Variants in KIRREL3 observed in about 807,000 individuals in gnomAD.
KIRREL3 encodes kin of IRRE-like protein 3.
KIRREL3 carries 36 observed loss-of-function variants against 89.7 expected under a neutral mutation model. That is an observed-to-expected ratio of 0.40 (90% confidence interval 0.31 to 0.53). The LOEUF (loss-of-function observed/expected upper bound fraction) is 0.53, where lower values mean the gene tolerates loss of function less well. KIRREL3 is among the 20% of genes least tolerant of loss of function. KIRREL3 has a pLI of 0.49. For missense variants in KIRREL3, 864 were observed against 1,056.6 expected (o/e 0.82, Z 2.53); for synonymous variants, 445 against 441.4 (o/e 1.01, Z -0.10).
At chr11:126,442,049 G>A (rs2134181611) in intron 10 of KIRREL3, among the ~76,000 whole-genome samples, 1 of 151,894 alleles carries the variant, frequency 6.6e-6, no homozygotes, top group Non-Finnish European at 1.5e-5. Flanking sequence ...GAGGAGGGTG[G>A]ATCACAAGGT....
At position 126,490,148 on chromosome 11, in the gene KIRREL3, C is replaced by T. The variant is rs1368972936; in HGVS notation, c.434-16682G>A. Among the ~76,000 whole-genome samples, 2 of 145,402 alleles carry T rather than the reference C, an allele frequency of 1.4e-5. No individual in the cohort carries two copies. Among genetic ancestry groups the T allele is most frequent in the Admixed American group, 1.4e-4 (2 of 13,972 alleles). On this transcript the variant is annotated intron_variant, in intron 4 of 16. Coordinates refer to ENST00000525144, the MANE Select transcript of KIRREL3 (RefSeq NM_032531.4). The surrounding 1 kb of genome is among the most constrained non-coding windows in gnomAD (Gnocchi z 4.2). ...GTTTGTGGCCAGAGGCATACATAATCCAAATCTGGTGTATAATTGAGAATA... is the reference window on the plus strand; with the variant it reads ...GTTTGTGGCCAGAGGCATACATAATTCAAATCTGGTGTATAATTGAGAATA...
At chr11:126,572,552 G>A (rs923020995) in intron 1 of KIRREL3, among the ~76,000 whole-genome samples, 26 of 128,192 alleles carry the variant, frequency 2.0e-4, no homozygotes, top group African/African-American at 7.8e-4. Flanking sequence ...GACCAGCAGA[G>A]ACCCCAGTGG....
intron 1 of KIRREL3, among the ~76,000 whole-genome samples, chr11:126,956,512 A>G (rs1948926633): frequency 6.6e-6 from 1 of 152,226 alleles, no homozygotes; most frequent in Admixed American, 6.5e-5. Flanking sequence ...GGGCTAAAGA[A>G]AATGACTGGA....
intron 2 of KIRREL3, among the ~76,000 whole-genome samples, chr11:126,533,637 C>G (rs889977917): frequency 6.6e-6 from 1 of 152,182 alleles, no homozygotes; most frequent in Non-Finnish European, 1.5e-5. Flanking sequence ...CAAAGAACCC[C>G]TCTCTCCCTT....
chr11:126,655,580 G>T lies in KIRREL3; in HGVS notation c.56-92668C>A, dbSNP rs4937172. 0.25 allele frequency among the ~76,000 whole-genome samples: 38,351 copies of T among 152,078 alleles called. 5,035 individuals are homozygous for T. Among genetic ancestry groups the T allele is most frequent in the East Asian group, 0.39 (1,998 of 5,154 alleles). On this transcript the variant is annotated intron_variant, in intron 1 of 16. Transcript: ENST00000525144. The surrounding 1 kb of genome is among the most constrained non-coding windows in gnomAD (Gnocchi z 5.0). ...GGCAGCTACTGTGTGTCCCCCTGGG[G>T]ACTGGAACCACTTTGCAAAGAGCGC...
intron 1 of KIRREL3, among the ~76,000 whole-genome samples, chr11:126,825,447 G>A (rs1410364025): frequency 1.3e-5 from 2 of 152,142 alleles, no homozygotes; most frequent in African/African-American, 4.8e-5. Context: ...TTAATACAGT[G>A]AATAATGAGA....
At position 126,527,624 on chromosome 11, in the gene KIRREL3, G is replaced by A. The variant is rs537264931; in HGVS notation, c.134-937C>T. On this transcript the variant is annotated intron_variant, in intron 2 of 16. Coordinates refer to ENST00000525144, the MANE Select transcript of KIRREL3 (RefSeq NM_032531.4). This position sits in a 1 kb window ranked among gnomAD's most constrained non-coding sequence, Gnocchi z 4.2. Reference sequence around the variant, plus strand: ...TGCTTGTGAATTGCTCACCAAGTACGGCGCATGCCCTGACTCTAGTTATCA... The same window carrying A: ...TGCTTGTGAATTGCTCACCAAGTACAGCGCATGCCCTGACTCTAGTTATCA... 2.1e-3 allele frequency among the ~76,000 whole-genome samples: 313 copies of A among 152,262 alleles called. 2 individuals are homozygous for A. Among genetic ancestry groups the A allele is most frequent in the African/African-American group, 7.2e-3 (300 of 41,548 alleles).
At position 126,708,703 on chromosome 11, in the gene KIRREL3, T is replaced by C. The variant is rs1226802731; in HGVS notation, c.56-145791A>G. On this transcript the variant is annotated intron_variant, in intron 1 of 16. Transcript: ENST00000525144. The surrounding 1 kb of genome is among the most constrained non-coding windows in gnomAD (Gnocchi z 5.7). The stretch of plus-strand genomic sequence containing the variant: ...TGATGGACCGGGACCTCCTCTCCCA[T>C]TTCTCCGGGGCCTCCAGGGCCCTCC... Among the ~76,000 whole-genome samples, 1 of 152,144 alleles carries C rather than the reference T, an allele frequency of 6.6e-6. No homozygotes were observed. Among genetic ancestry groups the C allele is most frequent in the Non-Finnish European group, 1.5e-5 (1 of 68,026 alleles).
chr11:126,944,511 G>T (rs1429222582), intron 1 of KIRREL3: 1 of 152,296 alleles, frequency 6.6e-6, no homozygotes, highest in Non-Finnish European at 1.5e-5. Flanking sequence ...ATCGGGCTTG[G>T]TTGCCACTGA....
In KIRREL3 at chr11:126,622,119, TG is replaced by T. The variant is rs1334541424; in HGVS notation, c.56-59208del. Among the ~76,000 whole-genome samples, 13 of 152,230 alleles carry T rather than the reference TG, an allele frequency of 8.5e-5. No individual in the cohort carries two copies. The highest frequency in any genetic ancestry group is 7.9e-4 in the Admixed American group (12 of 15,286). On this transcript the variant is annotated intron_variant, in intron 1 of 16. Transcript: ENST00000525144. This position sits in a 1 kb window ranked among gnomAD's most constrained non-coding sequence, Gnocchi z 5.2. ...AGGTATCTCATTTGTGTCATTATTT[TG>T]CTATCCTTGCCTCTCTTGGGATTTG...
chr11:126,854,128 G>T (rs189146480), intron 1 of KIRREL3, among the ~76,000 whole-genome samples: 6 of 127,292 alleles, frequency 4.7e-5, no homozygotes, highest in Admixed American at 2.3e-4. Context: ...TAAGTTTCTT[G>T]TGTGTGTGTG....
rs114262243 is a variant in KIRREL3 at position 126,522,780 on chromosome 11, G to T, written c.284-1316C>A. Reference sequence around the variant, plus strand: ...GATTTACAACTGGACTCCAATCCCCGCTGTCTTTCATCTCTGTCCCGGTTC... The same window carrying T: ...GATTTACAACTGGACTCCAATCCCCTCTGTCTTTCATCTCTGTCCCGGTTC... On this transcript the variant is annotated intron_variant, in intron 3 of 16. Transcript: ENST00000525144. This position sits in a 1 kb window ranked among gnomAD's most constrained non-coding sequence, Gnocchi z 6.0. Among the ~76,000 whole-genome samples, 3 of 152,048 alleles carry T rather than the reference G, an allele frequency of 2.0e-5. No homozygotes were observed. Among genetic ancestry groups the T allele is most frequent in the South Asian group, 4.2e-4 (2 of 4,792 alleles).
rs1313039312 is a variant in KIRREL3, at chr11:126,544,176, A to T, written c.134-17489T>A. ...TTTCAACCCCCCTCTCCTAAACGCA[A>T]CGATATTTGGTAACATGCGGCATCT... is the stretch of plus-strand genomic sequence containing the variant. On this transcript the variant is annotated intron_variant, in intron 2 of 16. Transcript: ENST00000525144. The surrounding 1 kb of genome is among the most constrained non-coding windows in gnomAD (Gnocchi z 5.6). 1.3e-5 allele frequency: 2 copies of T among 152,214 alleles called. No homozygotes were observed. Among genetic ancestry groups the T allele is most frequent in the African/African-American group, 2.4e-5 (1 of 41,448 alleles). The allele number at this position is 152,214 out of a possible 1,614,324, so 9.4% of individuals were successfully genotyped here.
chr11:126,824,618 A>C (rs1460500903), intron 1 of KIRREL3, among the ~76,000 whole-genome samples: 2 of 152,242 alleles, frequency 1.3e-5, no homozygotes, highest in Non-Finnish European at 2.9e-5. Context: ...GAAATTTTTA[A>C]AAGGTGTGGG....
At position 126,541,760 on chromosome 11, in the gene KIRREL3, C is replaced by T. The variant is rs1036715085; in HGVS notation, c.134-15073G>A. 6.6e-6 allele frequency among the ~76,000 whole-genome samples: 1 copy of T among 152,086 alleles called. No homozygotes were observed. Among genetic ancestry groups the T allele is most frequent in the Non-Finnish European group, 1.5e-5 (1 of 68,022 alleles). On this transcript the variant is annotated intron_variant, in intron 2 of 16. Coordinates refer to ENST00000525144, the MANE Select transcript of KIRREL3 (RefSeq NM_032531.4). The surrounding 1 kb of genome is among the most constrained non-coding windows in gnomAD (Gnocchi z 4.8). ...TCCTAAGGGCACTGTTGTGTGCCCA[C>T]AGCACGGGCTTGTGGGCCTGGGTTA... is the stretch of plus-strand genomic sequence containing the variant.
At chr11:126,497,361 G>A (rs1188014771) in intron 4 of KIRREL3, among the ~76,000 whole-genome samples, 2 of 152,142 alleles carry the variant, frequency 1.3e-5, no homozygotes, top group South Asian at 4.1e-4. Context: ...TGTCACCAAG[G>A]GGGGTCATTT....
In KIRREL3 at chr11:126,454,410, G is replaced by A. The variant is rs1956274911; in HGVS notation, c.848+1939C>T. Among the ~76,000 whole-genome samples the A allele has an allele frequency of 6.6e-6, 1 of 152,186 alleles. No individual in the cohort carries two copies. The highest frequency in any genetic ancestry group is 1.5e-5 in the Non-Finnish European group (1 of 68,042). ...TGAGGAGAAACGAAAGTCGAAAGTTGTGTGTCCTGGTCTCTGGGGCGCCCA... is the reference window on the plus strand; with the variant it reads ...TGAGGAGAAACGAAAGTCGAAAGTTATGTGTCCTGGTCTCTGGGGCGCCCA... On this transcript the variant is annotated intron_variant, in intron 7 of 16. Transcript: ENST00000525144. This position sits in a 1 kb window ranked among gnomAD's most constrained non-coding sequence, Gnocchi z 5.8.
At chr11:126,726,374 T>G (rs1324917327) in intron 1 of KIRREL3, among the ~76,000 whole-genome samples, 1 of 130,530 alleles carries the variant, frequency 7.7e-6, no homozygotes, top group South Asian at 2.2e-4. Flanking sequence ...AGATGCCTCC[T>G]TTTTTTCTTT....
intron 1 of KIRREL3, among the ~76,000 whole-genome samples, chr11:126,699,602 T>G (rs1468048868): frequency 3.3e-5 from 5 of 152,186 alleles, no homozygotes; most frequent in Admixed American, 3.3e-4. Context: ...TATTTTACCT[T>G]TTTTTAGGTA....
Sources: gnomAD v4.1 joint callset for allele counts (sites outside exome capture counted in the v4.1 genomes callset) on GRCh38, gnomAD v4.1.1 for gene constraint, Gnocchi (gnomAD v3.1) non-coding constraint, MANE v1.5 for transcripts, NCBI Gene and HGNC (gene_info 2026-07-23, HGNC 2026-07-21) for gene names.